The following CELF2 variants were observed in gnomAD, a reference collection of about 807,000 sequenced individuals.
CELF2 encodes CUG triplet repeat RNA-binding protein 2.
In CELF2, 8 loss-of-function variants were observed where a neutral mutation model predicts 62.6. The observed-to-expected ratio is 0.13, with a 90% CI of 0.07 to 0.23. The LOEUF (loss-of-function observed/expected upper bound fraction) is 0.23, where lower values mean the gene tolerates loss of function less well. CELF2 is among the 10% of genes least tolerant of loss of function. The pLI is 1.00. For synonymous variants in CELF2, 258 were observed against 250.0 expected (o/e 1.03, Z -0.30); for missense variants, 333 against 671.0 (o/e 0.50, Z 5.56).
chr10:10,680,076 C>T, the CELF2 span, among the ~76,000 whole-genome samples: 7 of 152,228 alleles, frequency 4.6e-5, no homozygotes, highest in South Asian at 4.2e-4. Flanking sequence ...TTAGCATTCT[C>T]GAATCAACAT....
At chr10:10,573,467 C>T in the CELF2 span, among the ~76,000 whole-genome samples, 2 of 152,024 alleles carry the variant, frequency 1.3e-5, no homozygotes, top group Non-Finnish European at 2.9e-5. Context: ...CTTTCAATTC[C>T]GTTGTGTGTC....
the CELF2 span, among the ~76,000 whole-genome samples, chr10:10,534,652 C>T: frequency 6.6e-6 from 1 of 152,162 alleles, no homozygotes; most frequent in Admixed American, 6.5e-5. Context: ...TGTCTTCCCC[C>T]ACTTATGAGA....
At chr10:10,905,597 G>A (rs1465432886) in intron 1 of CELF2, among the ~76,000 whole-genome samples, 2 of 151,028 alleles carry the variant, frequency 1.3e-5, no homozygotes, top group Non-Finnish European at 2.9e-5. Flanking sequence ...AAAAAAAAAG[G>A]GCTGGGCGTG....
rs2071960732 is a variant in CELF2 at position 11,178,250 on chromosome 10, C to G, written c.271+12568C>G. On this transcript the variant is annotated intron_variant, in intron 2 of 12. Transcript: ENST00000633077. This position sits in a 1 kb window ranked among gnomAD's most constrained non-coding sequence, Gnocchi z 4.3. ...CTCCCTTTGTGAAGTGGACATCTGTCTAATGGGAACTGGACGGTGACCACC... is the reference window on the plus strand; with the variant it reads ...CTCCCTTTGTGAAGTGGACATCTGTGTAATGGGAACTGGACGGTGACCACC... Among the ~76,000 whole-genome samples the G allele has an allele frequency of 6.6e-6, 1 of 152,192 alleles. No individual in the cohort carries two copies. Among genetic ancestry groups the G allele is most frequent in the African/African-American group, 2.4e-5 (1 of 41,450 alleles).
intron 3 of CELF2, among the ~76,000 whole-genome samples, chr10:11,233,846 G>C (rs1465340045): frequency 1.3e-5 from 2 of 152,180 alleles, no homozygotes; most frequent in Non-Finnish European, 2.9e-5. Flanking sequence ...AGGGGATTTG[G>C]GAGGTTATCC....
chr10:11,178,265 C>T lies in CELF2; in HGVS notation c.271+12583C>T, dbSNP rs2071964096. Among the ~76,000 whole-genome samples the T allele has an allele frequency of 1.3e-5, 2 of 152,174 alleles. No individual in the cohort carries two copies. The highest frequency in any genetic ancestry group is 2.1e-4 in the South Asian group (1 of 4,832). On this transcript the variant is annotated intron_variant, in intron 2 of 12. Transcript: ENST00000633077. The surrounding 1 kb of genome is among the most constrained non-coding windows in gnomAD (Gnocchi z 4.3). ...GGACATCTGTCTAATGGGAACTGGACGGTGACCACCAGTCCGTTTTACACA... is the reference window on the plus strand; with the variant it reads ...GGACATCTGTCTAATGGGAACTGGATGGTGACCACCAGTCCGTTTTACACA...
upstream of CELF2, among the ~76,000 whole-genome samples, chr10:11,002,020 T>C (rs1404191635): frequency 6.6e-6 from 1 of 152,216 alleles, no homozygotes; most frequent in Non-Finnish European, 1.5e-5. This position sits in a 1 kb window ranked among gnomAD's most constrained non-coding sequence, Gnocchi z 4.4. Context: ...ACTATCTATC[T>C]GTATTAGTCC....
chr10:11,086,439 C>T (rs1036647582), intron 1 of CELF2, among the ~76,000 whole-genome samples: 1 of 151,922 alleles, frequency 6.6e-6, no homozygotes, highest in African/African-American at 2.4e-5. Context: ...GGGGATTAGA[C>T]GCCAACATTC....
intron 2 of CELF2, among the ~76,000 whole-genome samples, chr10:10,999,625 G>A (rs759890349): frequency 6.6e-6 from 1 of 152,116 alleles, no homozygotes; most frequent in Non-Finnish European, 1.5e-5. Flanking sequence ...AAATTAAAAA[G>A]AGTTGTGGAT....
rs1244643825 is a variant in CELF2, at chr10:11,296,587, A to G, written c.976+8035A>G. On this transcript the variant is annotated intron_variant, in intron 9 of 12. Transcript: ENST00000633077. This position sits in a 1 kb window ranked among gnomAD's most constrained non-coding sequence, Gnocchi z 5.0. ...TATACTGTAAGTTCCATTTCTTCAG[A>G]CTTGAAAGCAATAAAATGGAAATTT... Among the ~76,000 whole-genome samples the G allele has an allele frequency of 1.3e-5, 2 of 152,200 alleles. No individual in the cohort carries two copies. Among genetic ancestry groups the G allele is most frequent in the African/African-American group, 4.8e-5 (2 of 41,450 alleles).
chr10:11,041,886 A>T (rs985267440), intron 1 of CELF2, among the ~76,000 whole-genome samples: 1 of 152,174 alleles, frequency 6.6e-6, no homozygotes, highest in African/African-American at 2.4e-5. Flanking sequence ...TGGGATTTTC[A>T]TATATTTGGT....
the CELF2 span, among the ~76,000 whole-genome samples, chr10:10,513,140 A>G: frequency 2.0e-5 from 3 of 152,218 alleles, no homozygotes; most frequent in Non-Finnish European, 4.4e-5. Flanking sequence ...AGCATTAATA[A>G]TGGACCAACT....
chr10:11,123,937 GA>G (rs1305639460), intron 1 of CELF2, among the ~76,000 whole-genome samples: 1 of 152,096 alleles, frequency 6.6e-6, no homozygotes. Flanking sequence ...AATTTATAAA[GA>G]AAAAGAGGTT....
At chr10:11,101,802 A>G (rs866438475) in intron 1 of CELF2, among the ~76,000 whole-genome samples, 1 of 152,182 alleles carries the variant, frequency 6.6e-6, no homozygotes, top group Non-Finnish European at 1.5e-5. Context: ...TGGGAAATGT[A>G]TCTAGTTTAC....
chr10:10,762,126 G>A, the CELF2 span, among the ~76,000 whole-genome samples: 47,720 of 151,922 alleles, frequency 0.31, 8,126 homozygotes, highest in East Asian at 0.51. Flanking sequence ...CAGAGAAGAG[G>A]TCCTAAAACT....
intron 1 of CELF2, among the ~76,000 whole-genome samples, chr10:11,092,860 C>T (rs2048703980): frequency 2.0e-5 from 3 of 152,326 alleles, no homozygotes; most frequent in Admixed American, 1.3e-4. Context: ...TAAACGAACA[C>T]TCAGTCCACA....
the CELF2 span, among the ~76,000 whole-genome samples, chr10:10,542,179 C>A: frequency 6.6e-6 from 1 of 152,188 alleles, no homozygotes; most frequent in Non-Finnish European, 1.5e-5. Context: ...ACGGGTATCA[C>A]GTCACCTAAT....
chr10:10,761,479 A>G, the CELF2 span, among the ~76,000 whole-genome samples: 1 of 152,192 alleles, frequency 6.6e-6, no homozygotes, highest in South Asian at 2.1e-4. Flanking sequence ...GGGTACCCAG[A>G]TATTTGGTCA....
chr10:10,559,235 A>G, the CELF2 span, among the ~76,000 whole-genome samples: 2 of 152,204 alleles, frequency 1.3e-5, no homozygotes, highest in African/African-American at 4.8e-5. Context: ...TGTCTGACCT[A>G]TGTCACTGGT....
Sources: allele counts gnomAD v4.1 joint callset (sites outside exome capture counted in the v4.1 genomes callset), GRCh38; gene constraint gnomAD v4.1.1; non-coding constraint Gnocchi (gnomAD v3.1); transcripts MANE v1.5; gene names NCBI Gene and HGNC (gene_info 2026-07-23, HGNC 2026-07-21).